Variants in CUX1 observed in about 807,000 individuals in gnomAD.
CUX1 encodes protein CASP.
A neutral mutation model predicts 158.8 loss-of-function variants in CUX1; 31 were observed. That is an observed-to-expected ratio of 0.20 (90% confidence interval 0.15 to 0.26). The LOEUF (loss-of-function observed/expected upper bound fraction) is 0.26, where lower values mean the gene tolerates loss of function less well. Among genes scored for constraint, CUX1 ranks in the 10% least tolerant of loss-of-function variants. The pLI is 1.00. For missense variants in CUX1, 1,589 were observed against 2,014.6 expected (o/e 0.79, Z 4.04); for synonymous variants, 879 against 862.1 (o/e 1.02, Z -0.34).
At chr7:102,265,642 A>G (rs1246194311) in intron 14 of CUX1, among the ~76,000 whole-genome samples, 1 of 152,118 alleles carries the variant, frequency 6.6e-6, no homozygotes, top group Non-Finnish European at 1.5e-5. Context: ...TATGTTGCCC[A>G]GGCTGGTCTC....
At chr7:101,924,071 G>T (rs1805296770) in intron 2 of CUX1, among the ~76,000 whole-genome samples, 1 of 152,182 alleles carries the variant, frequency 6.6e-6, no homozygotes, top group Non-Finnish European at 1.5e-5. Flanking sequence ...GCACGGTGAG[G>T]GGAGGAGGTC....
At chr7:102,231,193 C>G (rs1263821312) in intron 21 of CUX1, among the ~76,000 whole-genome samples, 1 of 152,168 alleles carries the variant, frequency 6.6e-6, no homozygotes, top group African/African-American at 2.4e-5. Flanking sequence ...CCATGCCCGG[C>G]TAATTTTTTT....
intron 14 of CUX1, among the ~76,000 whole-genome samples, chr7:102,196,099 T>C (rs181421085): frequency 6.6e-6 from 1 of 152,242 alleles, no homozygotes; most frequent in East Asian, 1.9e-4. Flanking sequence ...GTCACTTGAC[T>C]GTGCTTCTGG....
chr7:102,143,111 G>C (rs1297483856), intron 8 of CUX1, among the ~76,000 whole-genome samples: 2 of 152,282 alleles, frequency 1.3e-5, no homozygotes, highest in South Asian at 2.1e-4. Flanking sequence ...ATGGCAGGCT[G>C]CCGGCCCACG....
chr7:101,828,500 C>T (rs951903589), intron 1 of CUX1, among the ~76,000 whole-genome samples: 2 of 152,132 alleles, frequency 1.3e-5, no homozygotes, highest in Non-Finnish European at 2.9e-5. Flanking sequence ...CCCATATGAA[C>T]GAACGGGGAA....
At chr7:102,205,027 C>T in intron 19 of CUX1, 87 bp from the exon 20 acceptor site, 1 of 937,142 alleles carries the variant, frequency 1.1e-6, no homozygotes, top group Non-Finnish European at 1.7e-6. Context: ...GAATGGGAAG[C>T]CTCCCCGGGC....
intron 1 of CUX1, among the ~76,000 whole-genome samples, chr7:101,833,273 G>A (rs1313154288): frequency 6.6e-6 from 1 of 151,230 alleles, no homozygotes; most frequent in Non-Finnish European, 1.5e-5. Flanking sequence ...AATTAGCCCA[G>A]CATGGTGGCT....
chr7:102,081,856 C>T (rs1301693677), intron 4 of CUX1, among the ~76,000 whole-genome samples: 1 of 146,550 alleles, frequency 6.8e-6, no homozygotes, highest in Non-Finnish European at 1.5e-5. Flanking sequence ...GATCTCCTGA[C>T]CTCGGGTGAT....
intron 2 of CUX1, among the ~76,000 whole-genome samples, chr7:102,025,853 C>T (rs1221266197): frequency 3.3e-5 from 5 of 152,016 alleles, no homozygotes; most frequent in African/African-American, 4.8e-5. Context: ...TACAAAATAA[C>T]GTGGGCTGTG....
At chr7:102,237,238 A>AT (rs1170077562) in intron 22 of CUX1, among the ~76,000 whole-genome samples, 2 of 151,984 alleles carry the variant, frequency 1.3e-5, no homozygotes, top group South Asian at 2.1e-4. Flanking sequence ...TGTTTATTTT[A>AT]TTTTTTTAGA....
chr7:102,121,705 G>A (rs562182479), intron 8 of CUX1, among the ~76,000 whole-genome samples: 2 of 152,234 alleles, frequency 1.3e-5, no homozygotes, highest in South Asian at 2.1e-4. Flanking sequence ...TATCTTGTTT[G>A]CCCTTTCCTG....
chr7:101,832,305 A>C (rs531601976), intron 1 of CUX1, among the ~76,000 whole-genome samples: 2 of 152,206 alleles, frequency 1.3e-5, no homozygotes, highest in South Asian at 4.1e-4. Context: ...GCATTTCCAC[A>C]GGCATCCAGA....
At chr7:102,069,562 A>C (rs1033977789) in intron 3 of CUX1, among the ~76,000 whole-genome samples, 3 of 152,172 alleles carry the variant, frequency 2.0e-5, no homozygotes, top group Non-Finnish European at 4.4e-5. Flanking sequence ...CAGCCTGGCC[A>C]ACATGATAAA....
chr7:101,948,381 C>T (rs1434806956), intron 2 of CUX1, among the ~76,000 whole-genome samples: 1 of 151,950 alleles, frequency 6.6e-6, no homozygotes, highest in Non-Finnish European at 1.5e-5. Flanking sequence ...GAATCCATTC[C>T]CTCTGTGCCC....
intron 2 of CUX1, among the ~76,000 whole-genome samples, chr7:102,007,889 C>T (rs941539189): frequency 6.6e-6 from 1 of 151,990 alleles, no homozygotes; most frequent in Non-Finnish European, 1.5e-5. Context: ...GGACTACAGG[C>T]ACCCGCCACC....
intron 1 of CUX1, among the ~76,000 whole-genome samples, chr7:101,913,929 C>T (rs1207790503): frequency 6.6e-6 from 1 of 152,132 alleles, no homozygotes; most frequent in African/African-American, 2.4e-5. Context: ...GCTGCTGCTG[C>T]TTAAATATAG....
chr7:102,173,832 G>C (rs555165099), intron 10 of CUX1, among the ~76,000 whole-genome samples: 1 of 152,260 alleles, frequency 6.6e-6, no homozygotes, highest in Admixed American at 6.5e-5. Context: ...AGTCTCCCCA[G>C]AGCAGCCCCG....
At chr7:102,068,814 C>T (rs535363170) in intron 3 of CUX1, among the ~76,000 whole-genome samples, 23 of 152,292 alleles carry the variant, frequency 1.5e-4, no homozygotes, top group Admixed American at 9.8e-4. Context: ...TTGCGTGTTT[C>T]GGCTGTAAAG....
chr7:101,978,430 G>A (rs188891962), intron 2 of CUX1, among the ~76,000 whole-genome samples: 43 of 152,294 alleles, frequency 2.8e-4, no homozygotes, highest in African/African-American at 9.9e-4. Context: ...CAGCAAGCCC[G>A]TCCTTCCTCC....
Sources: gnomAD v4.1 joint callset for allele counts (sites outside exome capture counted in the v4.1 genomes callset) on GRCh38, gnomAD v4.1.1 for gene constraint, MANE v1.5 for transcripts, NCBI Gene and HGNC (gene_info 2026-07-23, HGNC 2026-07-21) for gene names.